Variants in EXOC4 observed in about 807,000 individuals in gnomAD.
The protein encoded by EXOC4 is exocyst complex component 4.
Under a neutral mutation model 107.2 loss-of-function variants are expected in EXOC4, and 71 were observed. The observed-to-expected ratio is 0.66, with a 90% confidence interval of 0.55 to 0.81. EXOC4 has a LOEUF of 0.81. Among genes scored for constraint, EXOC4 ranks in the 30% least tolerant of loss-of-function variants. EXOC4 has a pLI of 0.00. For synonymous variants in EXOC4, 456 were observed against 441.2 expected (o/e 1.03, Z -0.42); for missense variants, 1,108 against 1,189.6 (o/e 0.93, Z 1.01).
At chr7:134,016,857 C>G (rs1314171606) in intron 17 of EXOC4, among the ~76,000 whole-genome samples, 1 of 152,216 alleles carries the variant, frequency 6.6e-6, no homozygotes, top group Non-Finnish European at 1.5e-5. Context: ...TTAGCAATGA[C>G]ATGCTGCCAC....
intron 9 of EXOC4, among the ~76,000 whole-genome samples, chr7:133,592,002 G>C (rs1801560698): frequency 6.6e-6 from 1 of 152,164 alleles, no homozygotes; most frequent in Non-Finnish European, 1.5e-5. Context: ...TTTGGCTAAA[G>C]AAAAGTATGC....
At chr7:133,989,510 G>A (rs950579406) in intron 14 of EXOC4, among the ~76,000 whole-genome samples, 1 of 145,920 alleles carries the variant, frequency 6.9e-6, no homozygotes, top group African/African-American at 2.6e-5. Flanking sequence ...TTCAGTGAAG[G>A]AAACTATGGA....
chr7:133,324,514 G>A (rs1281185412), intron 5 of EXOC4, among the ~76,000 whole-genome samples: 1 of 152,182 alleles, frequency 6.6e-6, no homozygotes, highest in Non-Finnish European at 1.5e-5. Context: ...ATGTAGTTGT[G>A]TGATTTTGAG....
intron 9 of EXOC4, among the ~76,000 whole-genome samples, chr7:133,543,185 A>T (rs184704074): frequency 6.6e-6 from 1 of 151,476 alleles, no homozygotes; most frequent in African/African-American, 2.4e-5. Flanking sequence ...TTTTGATATA[A>T]TCCTCACAAA....
chr7:134,088,375 A>G, the EXOC4 span, among the ~76,000 whole-genome samples: 1 of 152,236 alleles, frequency 6.6e-6, no homozygotes, highest in African/African-American at 2.4e-5. Context: ...GAAACTAGGT[A>G]AACAAATATG....
chr7:133,943,005 T>G (rs1785516494), intron 14 of EXOC4, among the ~76,000 whole-genome samples: 1 of 152,202 alleles, frequency 6.6e-6, no homozygotes, highest in South Asian at 2.1e-4. Flanking sequence ...TTGCCCTATA[T>G]ATTAGCCACT....
the EXOC4 span, among the ~76,000 whole-genome samples, chr7:134,084,930 G>A: frequency 6.6e-6 from 1 of 152,228 alleles, no homozygotes; most frequent in South Asian, 2.1e-4. Context: ...GACAAAAAAG[G>A]GAAGTGACAT....
chr7:133,549,414 GGAGA>G (rs966583069), intron 9 of EXOC4, among the ~76,000 whole-genome samples: 3 of 152,052 alleles, frequency 2.0e-5, no homozygotes, highest in South Asian at 2.1e-4. Flanking sequence ...GGAAGCCGGA[GGAGA>G]GAGAGAGAGA....
At chr7:133,483,953 T>C in intron 9 of EXOC4, 1 of 1,411,494 alleles carries the variant, frequency 7.1e-7, no homozygotes. Flanking sequence ...AAGGGAAGAT[T>C]TTTGTTTCTT....
intron 4 of EXOC4, among the ~76,000 whole-genome samples, chr7:133,307,382 A>G (rs533232178): frequency 6.6e-6 from 1 of 152,348 alleles, no homozygotes; most frequent in Admixed American, 6.5e-5. Flanking sequence ...GTGCTAAGGC[A>G]TTCTTTCGAC....
intron 11 of EXOC4, among the ~76,000 whole-genome samples, chr7:133,820,160 T>TTTTG (rs1218575350): frequency 1.3e-5 from 2 of 150,526 alleles, no homozygotes; most frequent in African/African-American, 4.9e-5. Flanking sequence ...CTTCATTTTT[T>TTTTG]TTTTTTTTTT....
At chr7:133,692,375 A>G (rs1424656942) in intron 10 of EXOC4, among the ~76,000 whole-genome samples, 2 of 152,218 alleles carry the variant, frequency 1.3e-5, no homozygotes, top group African/African-American at 4.8e-5. Flanking sequence ...TTTTCTTTTT[A>G]CAGCATCGCA....
At chr7:133,552,961 A>G (rs1426928654) in intron 9 of EXOC4, among the ~76,000 whole-genome samples, 2 of 152,158 alleles carry the variant, frequency 1.3e-5, no homozygotes, top group Non-Finnish European at 2.9e-5. Context: ...TACCTTTGTA[A>G]GGTCTGATCC....
At chr7:134,088,095 A>G in the EXOC4 span, among the ~76,000 whole-genome samples, 1 of 152,178 alleles carries the variant, frequency 6.6e-6, no homozygotes, top group Admixed American at 6.5e-5. Flanking sequence ...ATAGAAAGTG[A>G]CATTCTTTAC....
chr7:133,840,406 G>C (rs757152501), intron 11 of EXOC4, among the ~76,000 whole-genome samples: 3 of 152,190 alleles, frequency 2.0e-5, no homozygotes, highest in African/African-American at 7.2e-5. Flanking sequence ...TATTACAAAG[G>C]TTACCTCAGA....
At chr7:133,545,100 G>A (rs904362358) in intron 9 of EXOC4, among the ~76,000 whole-genome samples, 1 of 151,478 alleles carries the variant, frequency 6.6e-6, no homozygotes, top group Non-Finnish European at 1.5e-5. Flanking sequence ...CTATGTGGTC[G>A]CTATTTCTCT....
intron 9 of EXOC4, among the ~76,000 whole-genome samples, chr7:133,610,122 C>G (rs2150995763): frequency 6.6e-6 from 1 of 152,206 alleles, no homozygotes; most frequent in Non-Finnish European, 1.5e-5. Flanking sequence ...ATTTAATTTC[C>G]TTTCCATGAT....
chr7:133,481,439 G>C (rs6971423), intron 9 of EXOC4, among the ~76,000 whole-genome samples: 72,779 of 152,052 alleles, frequency 0.48, 17,898 homozygotes, highest in East Asian at 0.61. Context: ...TGACTGGCCT[G>C]TGTAATTAAA....
chr7:133,693,568 T>C (rs886230725), intron 10 of EXOC4, among the ~76,000 whole-genome samples: 1 of 152,136 alleles, frequency 6.6e-6, no homozygotes, highest in Non-Finnish European at 1.5e-5. Flanking sequence ...CACTCCTAAT[T>C]ACACAGTTAG....
Sources: allele counts gnomAD v4.1 joint callset (sites outside exome capture counted in the v4.1 genomes callset), GRCh38; gene constraint gnomAD v4.1.1; transcripts MANE v1.5; gene names NCBI Gene and HGNC (gene_info 2026-07-23, HGNC 2026-07-21).